The following GRM7 variants were observed in gnomAD, a reference collection of about 807,000 sequenced individuals.
GRM7 encodes the protein glutamate metabotropic receptor 7, also known as metabotropic glutamate receptor 7.
In GRM7, 35 loss-of-function variants were observed where a neutral mutation model predicts 84.5. That is an observed-to-expected ratio of 0.41 (90% CI 0.32 to 0.55). The LOEUF (loss-of-function observed/expected upper bound fraction) is 0.55. Ranked by LOEUF, GRM7 falls within the 20% of genes least tolerant of loss-of-function variation. GRM7 has a pLI of 0.19. For missense variants in GRM7, 1,003 were observed against 1,194.6 expected, an observed-to-expected ratio of 0.84 and a Z score of 2.36; for synonymous variants, 487 against 455.1, an observed-to-expected ratio of 1.07 and a Z score of -0.89.
intron 1 of GRM7, among the ~76,000 whole-genome samples, chr3:6,905,688 T>A (rs59126930): frequency 0.013 from 1,951 of 152,280 alleles, 39 homozygotes; most frequent in African/African-American, 0.045. Context: ...ATAAGATTTT[T>A]AAAAATATTA....
chr3:7,578,794 T>C lies in GRM7; in HGVS notation c.1888T>C (p.Tyr630His). The change falls in exon 8 of 10, where the codon TAT (tyrosine) becomes CAT (histidine). Residue 630 changes from tyrosine to histidine, a missense_variant. This residue lies in a region of GRM7 where 910 missense variants were observed against 1,126.0 expected (regional missense o/e 0.81). Transcript: ENST00000357716. ...IVRASGRELSYVLLTGIFLCY... is the reference protein window; with the variant it reads ...IVRASGRELSHVLLTGIFLCY... ...CCGGGCATCTGGGCGGGAACTCAGC[T>C]ATGTTCTTTTGACGGGCATCTTTCT... The C allele has an allele frequency of 6.2e-7, 1 of 1,614,144 alleles. No individual in the cohort carries two copies. The highest frequency in any genetic ancestry group is 8.5e-7 in the Non-Finnish European group (1 of 1,180,010).
chr3:7,716,158 G>A (rs3804821), intron 9 of GRM7, among the ~76,000 whole-genome samples: 3 of 152,012 alleles, frequency 2.0e-5, no homozygotes, highest in South Asian at 4.2e-4. Flanking sequence ...ATCATGCTGT[G>A]GGGGGGTGTT....
At chr3:6,940,746 C>G (rs1697863425) in intron 1 of GRM7, among the ~76,000 whole-genome samples, 1 of 152,126 alleles carries the variant, frequency 6.6e-6, no homozygotes, top group Non-Finnish European at 1.5e-5. Context: ...TATATTTGAA[C>G]CCCCATTTTC....
intron 2 of GRM7, among the ~76,000 whole-genome samples, chr3:7,156,505 T>A (rs1364796233): frequency 1.3e-5 from 2 of 152,190 alleles, no homozygotes; most frequent in Non-Finnish European, 2.9e-5. Flanking sequence ...TGATTCTCAC[T>A]TTGACCGGCT....
intron 7 of GRM7, among the ~76,000 whole-genome samples, chr3:7,478,432 C>G (rs191184178): frequency 6.6e-6 from 1 of 151,950 alleles, no homozygotes; most frequent in Non-Finnish European, 1.5e-5. Context: ...AGCTGAGAGA[C>G]GACTGGAACA....
At chr3:7,381,310 C>T (rs1694581528) in intron 4 of GRM7, among the ~76,000 whole-genome samples, 1 of 152,034 alleles carries the variant, frequency 6.6e-6, no homozygotes, top group South Asian at 2.1e-4. Flanking sequence ...CACAATTTTG[C>T]ACAGTTTATT....
intron 1 of GRM7, among the ~76,000 whole-genome samples, chr3:6,973,477 A>G (rs955081165): frequency 6.6e-6 from 1 of 152,210 alleles, no homozygotes; most frequent in African/African-American, 2.4e-5. Flanking sequence ...GTACACATAT[A>G]TGTATGTGTG....
At chr3:7,607,142 C>T (rs1696617174) in intron 8 of GRM7, 2 of 152,160 alleles carry the variant, frequency 1.3e-5, no homozygotes, top group Non-Finnish European at 2.9e-5. Context: ...CAAAATGACA[C>T]TTGATTTTCG....
At chr3:7,203,107 A>G (rs1202447297) in intron 2 of GRM7, among the ~76,000 whole-genome samples, 2 of 152,138 alleles carry the variant, frequency 1.3e-5, no homozygotes, top group African/African-American at 4.8e-5. Context: ...ACAAAATATC[A>G]TTGCTAAGTA....
chr3:7,177,536 G>C (rs999181654), intron 2 of GRM7, among the ~76,000 whole-genome samples: 3 of 143,144 alleles, frequency 2.1e-5, no homozygotes, highest in South Asian at 4.9e-4. Flanking sequence ...GAAGGAGGGA[G>C]GAAGGGAGGG....
At chr3:7,218,451 T>A (rs1421879658) in intron 2 of GRM7, among the ~76,000 whole-genome samples, 1 of 152,096 alleles carries the variant, frequency 6.6e-6, no homozygotes, top group Non-Finnish European at 1.5e-5. Flanking sequence ...TCTAATTTTT[T>A]AAATAAAAAT....
chr3:7,726,610 C>CCTCTCTCTCTCTCT (rs1353118618), intron 9 of GRM7, among the ~76,000 whole-genome samples: 1 of 30,496 alleles, frequency 3.3e-5, no homozygotes, highest in African/African-American at 1.2e-4. Flanking sequence ...TCTCTCTCTC[C>CCTCTCTCTCTCTCT]CTCTATATAT....
chr3:6,876,514 G>T (rs1381332365), intron 1 of GRM7, among the ~76,000 whole-genome samples: 1 of 151,686 alleles, frequency 6.6e-6, no homozygotes, highest in Non-Finnish European at 1.5e-5. Context: ...GCTTTGAAGT[G>T]CCTATATACT....
chr3:7,317,695 A>G (rs181036374), intron 4 of GRM7, among the ~76,000 whole-genome samples: 48 of 152,180 alleles, frequency 3.2e-4, no homozygotes, highest in Admixed American at 4.6e-4. Flanking sequence ...GCTTTCATAT[A>G]GAAAATGAGT....
intron 5 of GRM7, among the ~76,000 whole-genome samples, chr3:7,418,465 A>G: frequency 6.6e-6 from 1 of 152,136 alleles, no homozygotes; most frequent in East Asian, 1.9e-4. Context: ...TCTCATGGAG[A>G]CAATGCTAGA....
chr3:7,123,491 C>T (rs1478204455), intron 1 of GRM7, among the ~76,000 whole-genome samples: 12 of 152,146 alleles, frequency 7.9e-5, no homozygotes, highest in South Asian at 2.1e-4. Context: ...TGGTGGCTCG[C>T]GCTTGTAATC....
intron 7 of GRM7, among the ~76,000 whole-genome samples, chr3:7,531,897 C>CGCTT (rs1701051422): frequency 6.6e-6 from 1 of 152,020 alleles, no homozygotes; most frequent in Admixed American, 6.6e-5. Flanking sequence ...TCAAAGGGAA[C>CGCTT]GCTTCCACCT....
At chr3:7,192,992 G>T (rs1695760436) in intron 2 of GRM7, among the ~76,000 whole-genome samples, 2 of 152,018 alleles carry the variant, frequency 1.3e-5, no homozygotes, top group Admixed American at 6.6e-5. Flanking sequence ...TTCAATGCCT[G>T]CATTCTCCAC....
intron 1 of GRM7, among the ~76,000 whole-genome samples, chr3:7,071,076 C>G (rs1697861855): frequency 6.6e-6 from 1 of 152,062 alleles, no homozygotes; most frequent in Admixed American, 6.6e-5. Flanking sequence ...AAAAGCTCAG[C>G]CTCCCTTTCT....
Sources: gnomAD v4.1 joint callset for allele counts (sites outside exome capture counted in the v4.1 genomes callset) on GRCh38, gnomAD v4.1.1 for gene constraint, gnomAD v4.1.1 regional missense constraint, MANE v1.5 for transcripts, NCBI Gene and HGNC (gene_info 2026-07-23, HGNC 2026-07-21) for gene names.